GTF2E1: variants seen among roughly 807,000 people sequenced by gnomAD.
GTF2E1 encodes TFIIE alpha subunit.
In GTF2E1, 14 loss-of-function variants were observed where a neutral mutation model predicts 34.9. That is an observed-to-expected ratio of 0.40 (90% CI 0.27 to 0.63). The LOEUF is 0.63. Among genes scored for constraint, GTF2E1 ranks in the 20% least tolerant of loss-of-function variants. The pLI, the probability that GTF2E1 is intolerant of heterozygous loss-of-function variation, is 0.39. For synonymous variants in GTF2E1, 188 were observed against 192.9 expected, an observed-to-expected ratio of 0.97 and a Z score of 0.21; for missense variants, 469 against 557.7, an observed-to-expected ratio of 0.84 and a Z score of 1.60.
chr3:120,746,579 C>G (rs560632376), intron 1 of GTF2E1, among the ~76,000 whole-genome samples: 1 of 152,082 alleles, frequency 6.6e-6, no homozygotes, highest in East Asian at 1.9e-4. Context: ...TAGGTGGATC[C>G]CTTGAGCCCA....
intron 1 of GTF2E1, among the ~76,000 whole-genome samples, chr3:120,744,592 A>AT (rs1179599388): frequency 7.9e-5 from 12 of 151,738 alleles, no homozygotes; most frequent in African/African-American, 2.7e-4. Context: ...GCTATTTAAG[A>AT]TTTTTCCTAC....
intron 1 of GTF2E1, among the ~76,000 whole-genome samples, chr3:120,748,721 C>T (rs1709133010): frequency 6.6e-6 from 1 of 152,184 alleles, no homozygotes. Flanking sequence ...TTAGGATTGA[C>T]TTGGCAGTGT....
intron 1 of GTF2E1, among the ~76,000 whole-genome samples, chr3:120,744,748 C>T (rs1402671486): frequency 1.3e-5 from 2 of 152,124 alleles, no homozygotes; most frequent in South Asian, 2.1e-4. Flanking sequence ...CTGCCTCCAC[C>T]TTCACTCACT....
chr3:120,757,235 C>G (rs956627146), intron 2 of GTF2E1, among the ~76,000 whole-genome samples: 1 of 152,088 alleles, frequency 6.6e-6, no homozygotes, highest in Non-Finnish European at 1.5e-5. Context: ...TACCTTTTGT[C>G]CCCTTTATCA....
intron 2 of GTF2E1, among the ~76,000 whole-genome samples, chr3:120,763,694 A>G (rs1709283969): frequency 4.6e-5 from 7 of 152,130 alleles, no homozygotes; most frequent in Admixed American, 3.3e-4. Context: ...TTTTTTCATA[A>G]GATTGTCCAG....
At chr3:120,745,445 A>G (rs897968733) in intron 1 of GTF2E1, among the ~76,000 whole-genome samples, 1 of 152,124 alleles carries the variant, frequency 6.6e-6, no homozygotes, top group African/African-American at 2.4e-5. Flanking sequence ...AGGATATATA[A>G]TAGGGACTTT....
At chr3:120,752,071 G>A (rs1284380504) in intron 2 of GTF2E1, among the ~76,000 whole-genome samples, 5 of 152,132 alleles carry the variant, frequency 3.3e-5, no homozygotes, top group Admixed American at 3.3e-4. Flanking sequence ...TTGACAAAAA[G>A]AGCCAGAAGC....
At chr3:120,752,780 T>G (rs1709176560) in intron 2 of GTF2E1, among the ~76,000 whole-genome samples, 1 of 152,132 alleles carries the variant, frequency 6.6e-6, no homozygotes, top group Non-Finnish European at 1.5e-5. Flanking sequence ...TTGTGGCCAG[T>G]CTGAACAAAG....
chr3:120,778,171 A>C (rs1709416903), intron 4 of GTF2E1, among the ~76,000 whole-genome samples: 1 of 152,258 alleles, frequency 6.6e-6, no homozygotes, highest in Non-Finnish European at 1.5e-5. Context: ...AACTGAATAA[A>C]ATAAAATTAT....
intron 1 of GTF2E1, among the ~76,000 whole-genome samples, chr3:120,745,231 A>G (rs1709095195): frequency 6.6e-6 from 1 of 152,312 alleles, no homozygotes; most frequent in Admixed American, 6.5e-5. Flanking sequence ...TTATATATGA[A>G]GAAACTGAGT....
At chr3:120,779,527 C>G (rs995604657) in intron 4 of GTF2E1, among the ~76,000 whole-genome samples, 6 of 152,198 alleles carry the variant, frequency 3.9e-5, no homozygotes, top group African/African-American at 1.4e-4. Flanking sequence ...TTCCCTTTCT[C>G]TCTCTTATCT....
intron 2 of GTF2E1, among the ~76,000 whole-genome samples, chr3:120,758,470 G>C (rs1426669921): frequency 2.0e-5 from 3 of 151,732 alleles, no homozygotes; most frequent in African/African-American, 7.3e-5. Flanking sequence ...TGTGCACAAC[G>C]TACAGGTTTG....
intron 2 of GTF2E1, among the ~76,000 whole-genome samples, chr3:120,752,536 A>G (rs1376497470): frequency 6.6e-6 from 1 of 152,192 alleles, no homozygotes; most frequent in East Asian, 1.9e-4. Flanking sequence ...TAATTTAATT[A>G]AACTTTCTAA....
At position 120,746,007 on chromosome 3, in the gene GTF2E1, C is replaced by T. The variant is rs538359105; in HGVS notation, c.-31+3213C>T. On this transcript the variant is annotated intron_variant, in intron 1 of 4. Transcript: ENST00000283875. ...ACCTGAGTATTTATAACCTAAAGTA[C>T]GTATTTTCTTTTGACTGACTTTTAC... Among the ~76,000 whole-genome samples, 23 of 152,094 alleles carry T rather than the reference C, an allele frequency of 1.5e-4. No individual in the cohort carries two copies. The South Asian group carries it at 4.0e-3, about 26-fold the overall frequency.
At chr3:120,767,570 C>A (rs530793499) in intron 2 of GTF2E1, among the ~76,000 whole-genome samples, 3 of 152,180 alleles carry the variant, frequency 2.0e-5, no homozygotes, top group African/African-American at 7.2e-5. Context: ...GGGGAACTGG[C>A]TTAAATACTG....
chr3:120,745,758 T>C (rs1332009557), intron 1 of GTF2E1, among the ~76,000 whole-genome samples: 1 of 152,200 alleles, frequency 6.6e-6, no homozygotes, highest in African/African-American at 2.4e-5. Context: ...CTGACAACTG[T>C]TGAGGATGTA....
intron 2 of GTF2E1, among the ~76,000 whole-genome samples, chr3:120,759,849 G>A (rs1709243531): frequency 1.3e-5 from 2 of 152,198 alleles, no homozygotes; most frequent in Non-Finnish European, 1.5e-5. Context: ...TAGCCTTGTA[G>A]TATAGTTTGA....
At position 120,776,440 on chromosome 3, in the gene GTF2E1, C is replaced by T; in HGVS notation, c.668C>T (p.Thr223Ile). 2 of 1,613,398 alleles carry T rather than the reference C, an allele frequency of 1.2e-6. No homozygotes were observed. The highest frequency in any genetic ancestry group is 1.7e-6 in the Non-Finnish European group (2 of 1,179,680). The change falls in exon 4 of 5, where the codon ACT becomes ATT. Residue 223 changes from threonine to isoleucine, a missense_variant. By Grantham distance (89) the Thr-to-Ile change is moderately conservative. Coordinates refer to ENST00000283875, the MANE Select transcript of GTF2E1 (RefSeq NM_005513.3). ...TTATATAGCAAGGACCATGCAGCAA[C>T]TACTGCTGGAGCTGCTAGCCTAGCA... ...ALKQSKDHAA[T>I]TAGAASLAGG...
chr3:120,744,473 C>T (rs1709087583), intron 1 of GTF2E1, among the ~76,000 whole-genome samples: 1 of 152,182 alleles, frequency 6.6e-6, no homozygotes, highest in Non-Finnish European at 1.5e-5. Context: ...ATGGTATTTC[C>T]TCAAAGACAC....
Sources: gnomAD v4.1 joint callset for allele counts (sites outside exome capture counted in the v4.1 genomes callset) on GRCh38, gnomAD v4.1.1 for gene constraint, MANE v1.5 for transcripts, NCBI Gene and HGNC (gene_info 2026-07-23, HGNC 2026-07-21) for gene names.